Variants in SLC5A3 observed in about 807,000 individuals in gnomAD.
SLC5A3 encodes the protein solute carrier family 5 member 3.
Under a neutral mutation model 43.2 loss-of-function variants are expected in SLC5A3, and 10 were observed. The observed-to-expected ratio is 0.23, with a 90% confidence interval of 0.14 to 0.39. The LOEUF is 0.39. Ranked by LOEUF, SLC5A3 falls within the 10% of genes least tolerant of loss-of-function variation. The pLI is 1.00. For synonymous variants in SLC5A3, 349 were observed against 322.0 expected, an observed-to-expected ratio of 1.08 and a Z score of -0.90; for missense variants, 608 against 893.4, an observed-to-expected ratio of 0.68 and a Z score of 4.07.
chr21:34,101,436 T>C lies in SLC5A3; in HGVS notation c.*4081T>C. On this transcript the variant is annotated 3_prime_UTR_variant, in exon 2 of 2. Transcript: ENST00000381151. ...GCTTCAGTATTTGTAAGATTTTGCATTAGCCAGATGCTAGGTTGTTGAAGG... is the reference window on the plus strand; with the variant it reads ...GCTTCAGTATTTGTAAGATTTTGCACTAGCCAGATGCTAGGTTGTTGAAGG... 1.0e-6 allele frequency: 1 copy of C among 1,000,194 alleles called. No individual in the cohort carries two copies. Among genetic ancestry groups the C allele is most frequent in the Non-Finnish European group, 1.2e-6 (1 of 829,938 alleles). The allele number at this position is 1,000,194 out of a possible 1,614,324, so 62.0% of individuals were successfully genotyped here. A position where few individuals can be genotyped will look rare whatever the true frequency, so the allele number is the denominator to read the frequency against.
In SLC5A3 at chr21:34,104,475, G is replaced by A; in HGVS notation, c.*7120G>A. 1.0e-6 allele frequency: 1 copy of A among 998,618 alleles called. No individual in the cohort carries two copies. The highest frequency in any genetic ancestry group is 1.2e-6 in the Non-Finnish European group (1 of 828,826). 61.9% of individuals were successfully genotyped at this position (998,618 alleles called of 1,614,324 possible). A position where few individuals can be genotyped will look rare whatever the true frequency, so the allele number is the denominator to read the frequency against. ...GTAATTCTCAGAATGGGAGAGAAAT[G>A]ACTACCTTTGTTCCTACTCTTTTAT... On this transcript the variant is annotated 3_prime_UTR_variant, in exon 2 of 2. Coordinates refer to ENST00000381151, the MANE Select transcript of SLC5A3 (RefSeq NM_006933.7).
At position 34,102,140 on chromosome 21, in the gene SLC5A3, G is replaced by C. The variant is rs773357098; in HGVS notation, c.*4785G>C. The stretch of plus-strand genomic sequence containing the variant: ...AGGTCACTTAATATGGAATGTTTTT[G>C]TCAGACTGTCCTTTGTTGGAATACT... On this transcript the variant is annotated 3_prime_UTR_variant, in exon 2 of 2. Coordinates refer to ENST00000381151, the MANE Select transcript of SLC5A3 (RefSeq NM_006933.7). The C allele has an allele frequency of 5.0e-6, 5 of 1,000,024 alleles. No homozygotes were observed. Among genetic ancestry groups the C allele is most frequent in the Non-Finnish European group, 6.0e-6 (5 of 829,920 alleles). 61.9% of individuals were successfully genotyped at this position (1,000,024 alleles called of 1,614,324 possible).
rs1979163187 is a variant in SLC5A3 at position 34,100,029 on chromosome 21, A to G, written c.*2674A>G. Reference sequence around the variant, plus strand: ...AGCAAAATGTTCATACTTTACACTGACTAAATGGGTCCTAAATGATGACAT... The same window carrying G: ...AGCAAAATGTTCATACTTTACACTGGCTAAATGGGTCCTAAATGATGACAT... On this transcript the variant is annotated 3_prime_UTR_variant, in exon 2 of 2. Transcript: ENST00000381151. 1.1e-6 allele frequency: 1 copy of G among 926,940 alleles called. No homozygotes were observed. The highest frequency in any genetic ancestry group is 6.2e-5 in the Admixed American group (1 of 16,160). The allele number at this position is 926,940 out of a possible 1,614,324, so 57.4% of individuals were successfully genotyped here. A position where few individuals can be genotyped will look rare whatever the true frequency, so the allele number is the denominator to read the frequency against.
intron 1 of SLC5A3, among the ~76,000 whole-genome samples, chr21:34,075,421 C>G (rs781161917): frequency 6.6e-6 from 1 of 151,908 alleles, no homozygotes; most frequent in Non-Finnish European, 1.5e-5. Context: ...TTTTTATGTC[C>G]TGTAATAACA....
chr21:34,093,280 T>C (rs1422608784), intron 1 of SLC5A3, among the ~76,000 whole-genome samples: 2 of 151,860 alleles, frequency 1.3e-5, no homozygotes, highest in Non-Finnish European at 2.9e-5. Context: ...ATCAATCTTA[T>C]TTATGCCAGC....
rs980390581 is a variant in SLC5A3 at position 34,083,199 on chromosome 21, C to T, written c.-337+9454C>T. Among the ~76,000 whole-genome samples, 2 of 152,124 alleles carry T rather than the reference C, an allele frequency of 1.3e-5. 1 individual carries two copies. The highest frequency in any genetic ancestry group is 2.9e-5 in the Non-Finnish European group (2 of 68,018). On this transcript the variant is annotated intron_variant, in intron 1 of 1. Transcript: ENST00000381151. The stretch of plus-strand genomic sequence containing the variant: ...TAGCCGGGTTGCTGTGGATATAATC[C>T]AGTTTGAGAAAATTCTCATTGTGGT...
chr21:34,083,638 A>G (rs1427181504), intron 1 of SLC5A3, among the ~76,000 whole-genome samples: 1 of 152,152 alleles, frequency 6.6e-6, no homozygotes, highest in Non-Finnish European at 1.5e-5. Context: ...TAATAGTCAT[A>G]TGAGAAAACA....
In SLC5A3 at chr21:34,100,842, A is replaced by G; in HGVS notation, c.*3487A>G. On this transcript the variant is annotated 3_prime_UTR_variant, in exon 2 of 2. Coordinates refer to ENST00000381151, the MANE Select transcript of SLC5A3 (RefSeq NM_006933.7). ...TTGGTGTGGCCTGTGGGTTATTTTCATTCTTTACCACCAAATAAAGCGGCT... is the reference window on the plus strand; with the variant it reads ...TTGGTGTGGCCTGTGGGTTATTTTCGTTCTTTACCACCAAATAAAGCGGCT... 4 of 1,000,096 alleles carry G rather than the reference A, an allele frequency of 4.0e-6. No individual in the cohort carries two copies. The highest frequency in any genetic ancestry group is 1.1e-4 in the East Asian group (1 of 8,818). 62.0% of individuals were successfully genotyped at this position (1,000,096 alleles called of 1,614,324 possible).
intron 1 of SLC5A3, among the ~76,000 whole-genome samples, chr21:34,078,340 A>G (rs1989382569): frequency 6.6e-6 from 1 of 152,160 alleles, no homozygotes; most frequent in Non-Finnish European, 1.5e-5. Context: ...GCAGCAAGCT[A>G]TTGAAGAAGG....
chr21:34,076,195 C>T (rs984296397), intron 1 of SLC5A3, among the ~76,000 whole-genome samples: 1 of 152,200 alleles, frequency 6.6e-6, no homozygotes, highest in African/African-American at 2.4e-5. Context: ...CCCAGAGCTG[C>T]TCTCCTGTTT....
In SLC5A3 at chr21:34,102,850, A is replaced by G; in HGVS notation, c.*5495A>G. The G allele has an allele frequency of 1.0e-6, 1 of 1,000,110 alleles. No homozygotes were observed. Among genetic ancestry groups the G allele is most frequent in the Non-Finnish European group, 1.2e-6 (1 of 829,942 alleles). The allele number at this position is 1,000,110 out of a possible 1,614,324, so 62.0% of individuals were successfully genotyped here. Reference sequence around the variant, plus strand: ...TCACTTCTAGGTTGTTTACATTCAGAGCTCTATCAATAAGAGGAATACATA... The same window carrying G: ...TCACTTCTAGGTTGTTTACATTCAGGGCTCTATCAATAAGAGGAATACATA... On this transcript the variant is annotated 3_prime_UTR_variant, in exon 2 of 2. Coordinates refer to ENST00000381151, the MANE Select transcript of SLC5A3 (RefSeq NM_006933.7).
intron 1 of SLC5A3, among the ~76,000 whole-genome samples, chr21:34,092,480 G>A (rs1978751277): frequency 6.6e-6 from 1 of 152,180 alleles, no homozygotes; most frequent in Admixed American, 6.5e-5. Flanking sequence ...TTGAGCTAGT[G>A]TTAGGGTACT....
chr21:34,081,140 A>G (rs1602905762), intron 1 of SLC5A3, among the ~76,000 whole-genome samples: 1 of 152,160 alleles, frequency 6.6e-6, no homozygotes, highest in South Asian at 2.1e-4. Context: ...AAAAATAACT[A>G]GGAGGATTGT....
intron 1 of SLC5A3, among the ~76,000 whole-genome samples, chr21:34,074,806 G>C (rs749450750): frequency 6.6e-6 from 1 of 152,232 alleles, no homozygotes; most frequent in Admixed American, 6.5e-5. Flanking sequence ...GGTCAATTGC[G>C]AGGAGTATTA....
chr21:34,100,593 G>C lies in SLC5A3; in HGVS notation c.*3238G>C. On this transcript the variant is annotated 3_prime_UTR_variant, in exon 2 of 2. Coordinates refer to ENST00000381151, the MANE Select transcript of SLC5A3 (RefSeq NM_006933.7). ...GCCTGGCCAGGGTCATGTAGCCATA[G>C]CTCTTAGGGATGATACCTCAAGAAA... 1.0e-6 allele frequency: 1 copy of C among 1,000,216 alleles called. No homozygotes were observed. Among genetic ancestry groups the C allele is most frequent in the Non-Finnish European group, 1.2e-6 (1 of 829,974 alleles). The allele number at this position is 1,000,216 out of a possible 1,614,324, so 62.0% of individuals were successfully genotyped here. A position where few individuals can be genotyped will look rare whatever the true frequency, so the allele number is the denominator to read the frequency against.
At position 34,095,293 on chromosome 21, in the gene SLC5A3, A is replaced by G. The variant is rs1453605770; in HGVS notation, c.95A>G (p.Asn32Ser). The change falls in exon 2 of 2, where the codon AAT (asparagine) becomes AGT (serine). Residue 32 changes from asparagine to serine, a missense_variant. Physicochemically the swap from Asn to Ser is conservative, Grantham distance 46 (BLOSUM62 1). Around this residue, in one of 2 missense-constraint regions of SLC5A3, gnomAD observed 398 missense variants for 668.6 expected, o/e 0.60. Transcript: ENST00000381151. ...CIGFFAMWKS[N>S]RSTVSGYFLA... ...GGTTTTTTTGCCATGTGGAAATCTAATAGAAGCACCGTGAGTGGATACTTC... is the reference window on the plus strand; with the variant it reads ...GGTTTTTTTGCCATGTGGAAATCTAGTAGAAGCACCGTGAGTGGATACTTC... 2 of 1,614,156 alleles carry G rather than the reference A, an allele frequency of 1.2e-6. No individual in the cohort carries two copies. Among genetic ancestry groups the G allele is most frequent in the Admixed American group, 1.7e-5 (1 of 60,018 alleles).
At chr21:34,092,517 C>T (rs1485079965) in intron 1 of SLC5A3, among the ~76,000 whole-genome samples, 4 of 152,150 alleles carry the variant, frequency 2.6e-5, no homozygotes, top group Non-Finnish European at 5.9e-5. Context: ...GTGGGCAGAG[C>T]GACTTTACTA....
chr21:34,105,540 A>G lies in SLC5A3; in HGVS notation c.*8185A>G, dbSNP rs1979438950. On this transcript the variant is annotated 3_prime_UTR_variant, in exon 2 of 2. Transcript: ENST00000381151. ...GTCTACATTGAAACATGTTCTTCCC[A>G]GTGTCCTGCTTATGATGCTTTGTTC... The G allele has an allele frequency of 2.5e-5, 25 of 999,582 alleles. No homozygotes were observed. Among genetic ancestry groups the G allele is most frequent in the Non-Finnish European group, 2.9e-5 (24 of 829,586 alleles). The allele number at this position is 999,582 out of a possible 1,614,324, so 61.9% of individuals were successfully genotyped here.
Position 34,104,860 on chromosome 21 carries a change from A to G in SLC5A3, c.*7505A>G. ...TTTAAATTTAAGATAGTTTGTAAGA[A>G]CTGTACAAAAAAATGCTTCTGGAGA... is the stretch of plus-strand genomic sequence containing the variant. On this transcript the variant is annotated 3_prime_UTR_variant, in exon 2 of 2. Coordinates refer to ENST00000381151, the MANE Select transcript of SLC5A3 (RefSeq NM_006933.7). 5.0e-6 allele frequency: 5 copies of G among 1,000,130 alleles called. No homozygotes were observed. The highest frequency in any genetic ancestry group is 6.0e-6 in the Non-Finnish European group (5 of 829,840). 62.0% of individuals were successfully genotyped at this position (1,000,130 alleles called of 1,614,324 possible).
Sources: allele counts gnomAD v4.1 joint callset (sites outside exome capture counted in the v4.1 genomes callset), GRCh38; gene constraint gnomAD v4.1.1; regional missense constraint gnomAD v4.1.1; transcripts MANE v1.5; gene names NCBI Gene and HGNC (gene_info 2026-07-23, HGNC 2026-07-21).